PSPC1: variants seen among roughly 807,000 people sequenced by gnomAD.
The protein encoded by PSPC1 is paraspeckle protein 1.
A neutral mutation model predicts 51.6 loss-of-function variants in PSPC1; 14 were observed. That is an observed-to-expected ratio of 0.27 (90% confidence interval 0.18 to 0.42). The LOEUF is 0.42. PSPC1 is among the 10% of genes least tolerant of loss of function. The pLI is 1.00. For missense variants in PSPC1, 406 were observed against 701.1 expected (o/e 0.58, Z 4.75); for synonymous variants, 193 against 231.9 (o/e 0.83, Z 1.53).
chr13:19,765,991 C>G (rs1440718170), intron 2 of PSPC1, among the ~76,000 whole-genome samples: 1 of 152,110 alleles, frequency 6.6e-6, no homozygotes, highest in African/African-American at 2.4e-5. Context: ...AAAGTAATCC[C>G]TTTCAAATAT....
At chr13:19,696,555 T>C (rs1297820096) in intron 6 of PSPC1, among the ~76,000 whole-genome samples, 2 of 151,270 alleles carry the variant, frequency 1.3e-5, no homozygotes, top group African/African-American at 2.4e-5. Context: ...ACAAAGAAAA[T>C]ATTTTAATAT....
chr13:19,754,532 C>T (rs1205297391), intron 3 of PSPC1, among the ~76,000 whole-genome samples: 1 of 145,154 alleles, frequency 6.9e-6, no homozygotes, highest in East Asian at 2.1e-4. Flanking sequence ...CTCCACCTCC[C>T]GGATTCAAGC....
chr13:19,683,543 C>T (rs192792157), intron 6 of PSPC1, among the ~76,000 whole-genome samples: 1 of 152,284 alleles, frequency 6.6e-6, no homozygotes, highest in East Asian at 1.9e-4. Flanking sequence ...TAAGACCTTA[C>T]GTTTATGAAA....
intron 4 of PSPC1, among the ~76,000 whole-genome samples, chr13:19,742,089 GC>G (rs1324906816): frequency 6.6e-6 from 1 of 151,950 alleles, no homozygotes; most frequent in Admixed American, 6.6e-5. Context: ...TTGAGATTGT[GC>G]CACTGCACTC....
At chr13:19,734,922 G>A in intron 5 of PSPC1, among the ~76,000 whole-genome samples, 1 of 148,346 alleles carries the variant, frequency 6.7e-6, no homozygotes, top group East Asian at 2.0e-4. Context: ...AGGTTGCCGT[G>A]AGCCGAGATC....
chr13:19,736,611 A>G (rs1452385937), intron 5 of PSPC1, among the ~76,000 whole-genome samples: 1 of 152,136 alleles, frequency 6.6e-6, no homozygotes, highest in Non-Finnish European at 1.5e-5. Context: ...TGAACCTGGG[A>G]GGCAGAGCTT....
downstream of PSPC1, among the ~76,000 whole-genome samples, chr13:19,700,261 T>C (rs1879742752): frequency 6.6e-6 from 1 of 152,058 alleles, no homozygotes; most frequent in South Asian, 2.1e-4. Context: ...CAACAAACTG[T>C]AAAGGTATTA....
At chr13:19,760,933 A>C (rs1282462910) in intron 2 of PSPC1, among the ~76,000 whole-genome samples, 1 of 152,030 alleles carries the variant, frequency 6.6e-6, no homozygotes, top group Non-Finnish European at 1.5e-5. Flanking sequence ...GGTTGCAGTG[A>C]GCCAAGATCA....
At chr13:19,693,435 T>C (rs947619819) in intron 6 of PSPC1, among the ~76,000 whole-genome samples, 1 of 152,238 alleles carries the variant, frequency 6.6e-6, no homozygotes, top group Non-Finnish European at 1.5e-5. Flanking sequence ...AAACACTGTG[T>C]CTGTTCTACA....
chr13:19,735,396 CAA>C (rs1405587292), intron 5 of PSPC1, among the ~76,000 whole-genome samples: 4 of 152,156 alleles, frequency 2.6e-5, no homozygotes, highest in African/African-American at 9.6e-5. Context: ...ACAAACAAAA[CAA>C]AGGAATAACT....
chr13:19,726,662 C>A (rs1477996692), intron 6 of PSPC1, among the ~76,000 whole-genome samples: 1 of 151,966 alleles, frequency 6.6e-6, no homozygotes, highest in African/African-American at 2.4e-5. Flanking sequence ...CTCAGCCACT[C>A]AGGAGGATGA....
chr13:19,756,200 T>C (rs1178798356), intron 3 of PSPC1, among the ~76,000 whole-genome samples: 1 of 152,106 alleles, frequency 6.6e-6, no homozygotes, highest in Non-Finnish European at 1.5e-5. Context: ...ACTGCACCAC[T>C]GCACTCCAGC....
chr13:19,695,531 C>T lies in PSPC1; in HGVS notation c.1159-17708G>A, dbSNP rs139682928. On this transcript the variant is annotated intron_variant and NMD_transcript_variant, in intron 6 of 7. Transcript: ENST00000471658. ...AGTAGTCTTATTTTTCCCAATTAAT[C>T]ATCATGCATAAATCTACATATTAGC... Among the ~76,000 whole-genome samples the T allele has an allele frequency of 1.9e-3, 292 of 152,214 alleles. 3 individuals carry two copies. The East Asian group carries it at 0.049, about 26-fold the overall frequency.
chr13:19,704,100 G>A (rs1262031913), intron 8 of PSPC1, among the ~76,000 whole-genome samples: 2 of 152,244 alleles, frequency 1.3e-5, no homozygotes, highest in Non-Finnish European at 2.9e-5. Flanking sequence ...TTTAAATAAA[G>A]TTTACAATTT....
In PSPC1 at chr13:19,741,600, G is replaced by A. The variant is rs750608099; in HGVS notation, c.1017C>T (p.Asn339=). The part of the protein sequence containing the change: ...EELRRLEELR[N]QELQKRKQIQ... ...TTTGCTTCCGTTTTTGCAACTCTTG[G>A]TTTCTGAGTTCTTCCAAGCGTCTGA... Residue 339 remains asparagine, a synonymous_variant, in exon 5 of 9, where the codon AAC becomes AAT. Coordinates refer to ENST00000338910, the MANE Select transcript of PSPC1 (RefSeq NM_001354909.2). 8 of 1,605,140 alleles carry A rather than the reference G, an allele frequency of 5.0e-6. No homozygotes were observed. The highest frequency in any genetic ancestry group is 2.2e-5 in the East Asian group (1 of 44,646).
At chr13:19,724,256 T>C (rs1204931927) in intron 6 of PSPC1, among the ~76,000 whole-genome samples, 2 of 152,188 alleles carry the variant, frequency 1.3e-5, no homozygotes, top group South Asian at 2.1e-4. Flanking sequence ...GAAAATAAAT[T>C]TGTATCTATT....
intron 3 of PSPC1, among the ~76,000 whole-genome samples, chr13:19,751,782 G>A (rs1054094004): frequency 2.0e-5 from 3 of 152,184 alleles, no homozygotes; most frequent in African/African-American, 4.8e-5. Context: ...TACAGGCCGG[G>A]CGCAGTGGCT....
At chr13:19,745,429 TAAAC>T (rs1885867453) in intron 4 of PSPC1, among the ~76,000 whole-genome samples, 1 of 152,108 alleles carries the variant, frequency 6.6e-6, no homozygotes, top group South Asian at 2.1e-4. Flanking sequence ...AAAAGGAATA[TAAAC>T]AAACTAAAAT....
At chr13:19,760,623 C>T (rs777979363) in intron 2 of PSPC1, among the ~76,000 whole-genome samples, 7 of 151,866 alleles carry the variant, frequency 4.6e-5, no homozygotes, top group Non-Finnish European at 1.0e-4. Flanking sequence ...GAAGCAGAGG[C>T]GGGGAAGATG....
Sources: allele counts gnomAD v4.1 joint callset (sites outside exome capture counted in the v4.1 genomes callset), GRCh38; gene constraint gnomAD v4.1.1; transcripts MANE v1.5; gene names NCBI Gene and HGNC (gene_info 2026-07-23, HGNC 2026-07-21).